Variants in SMCHD1 observed in about 807,000 individuals in gnomAD.
SMCHD1 encodes the protein structural maintenance of chromosomes flexible hinge domain-containing protein 1.
SMCHD1 carries 78 observed loss-of-function variants against 254.7 expected under a neutral mutation model. That is an observed-to-expected ratio of 0.31 (90% CI 0.26 to 0.37). The LOEUF (loss-of-function observed/expected upper bound fraction) is 0.37, where lower values mean the gene tolerates loss of function less well. Among genes scored for constraint, SMCHD1 ranks in the 10% least tolerant of loss-of-function variants. SMCHD1 has a pLI of 1.00. For missense variants in SMCHD1, 1,840 were observed against 2,408.1 expected, an observed-to-expected ratio of 0.76 and a Z score of 4.94; for synonymous variants, 766 against 794.9, an observed-to-expected ratio of 0.96 and a Z score of 0.61.
chr18:2,763,517 G>A, intron 36 of SMCHD1, 120 bp from the exon 37 acceptor site: 2 of 813,458 alleles, frequency 2.5e-6, no homozygotes, highest in Non-Finnish European at 3.6e-6. Flanking sequence ...CTTAGACTAA[G>A]AAAGATCCAG....
At chr18:2,703,942 C>A in intron 13 of SMCHD1, 56 bp downstream of exon 13, 1 of 1,314,244 alleles carries the variant, frequency 7.6e-7, no homozygotes, top group Non-Finnish European at 1.0e-6. Context: ...ATTTAAAACA[C>A]ATATGCAGAA....
At chr18:2,794,035 G>A (rs2076217238) in intron 45 of SMCHD1, among the ~76,000 whole-genome samples, 1 of 152,084 alleles carries the variant, frequency 6.6e-6, no homozygotes, top group Non-Finnish European at 1.5e-5. Context: ...CATTTCCATG[G>A]ATATTGATCA....
Position 2,726,415 on chromosome 18 carries a change from A to G in SMCHD1, c.2701-37A>G, listed in dbSNP as rs755324487. On this transcript the variant is annotated intron_variant, in intron 21 of 47. Coordinates refer to ENST00000320876, the MANE Select transcript of SMCHD1 (RefSeq NM_015295.3). ...TGATAAACTACTTAAGTATGTATTC[A>G]GGACTGGGTTTAATTTTTACTGTTT... 11 of 1,169,834 alleles carry G rather than the reference A, an allele frequency of 9.4e-6. No individual in the cohort carries two copies. In the Admixed American group the frequency reaches 2.4e-4, roughly 25 times the overall value. 72.5% of individuals were successfully genotyped at this position (1,169,834 alleles called of 1,614,324 possible).
intron 29 of SMCHD1, 87 bp from the exon 30 acceptor site, chr18:2,747,435 T>TA: frequency 5.1e-6 from 6 of 1,187,456 alleles, no homozygotes; most frequent in Non-Finnish European, 6.8e-6. Context: ...AGAGATAAAT[T>TA]AAGTGATCGT....
intron 5 of SMCHD1, among the ~76,000 whole-genome samples, chr18:2,679,353 A>G (rs12709589): frequency 0.85 from 125,952 of 148,942 alleles, 56,622 homozygotes; most frequent in East Asian, 1. Flanking sequence ...GCGGGCACCC[A>G]TAGTCCCAGC....
chr18:2,717,680 ATTGTACTGTT>A (rs1790327183), intron 17 of SMCHD1, among the ~76,000 whole-genome samples: 1 of 152,020 alleles, frequency 6.6e-6, no homozygotes, highest in Admixed American at 6.6e-5. Flanking sequence ...TGAATGCACT[ATTGTACTGTT>A]TCCAAGTGGG....
intron 17 of SMCHD1, among the ~76,000 whole-genome samples, chr18:2,711,204 C>T (rs531236398): frequency 7.2e-5 from 11 of 151,732 alleles, no homozygotes; most frequent in African/African-American, 2.7e-4. Flanking sequence ...AGGTTGGCCT[C>T]GAACGCGTAG....
chr18:2,702,108 T>C (rs2143197717), intron 12 of SMCHD1: 1 of 152,044 alleles, frequency 6.6e-6, no homozygotes, highest in Middle Eastern at 3.4e-3. Context: ...CCAGAATAAG[T>C]TAATTCTATT....
chr18:2,678,224 T>TCTTTA (rs1555627939), intron 5 of SMCHD1, among the ~76,000 whole-genome samples: 1 of 3,170 alleles, frequency 3.2e-4, no homozygotes, highest in Admixed American at 7.6e-3. Context: ...TTTCTTTCTT[T>TCTTTA]TTCTTTCTTT....
Position 2,784,552 on chromosome 18 carries a change from G to C in SMCHD1, c.5650G>C (p.Asp1884His), listed in dbSNP as rs2143815414. Reference protein sequence around the residue: ...GGLQNKAPPMDKLRGMVFGAP... With the variant: ...GGLQNKAPPMHKLRGMVFGAP... ...CCTTCAGAATAAAGCTCCTCCAATG[G>C]ATAAACTTCGGGGAATGGTATTTGG... The change falls in exon 45 of 48, where the codon GAT becomes CAT. Residue 1884 changes from aspartate to histidine, a missense_variant. By Grantham distance (81) the Asp-to-His change is moderately conservative (BLOSUM62 -1). This residue lies in a region of SMCHD1 where 114 missense variants were observed against 217.6 expected (regional missense o/e 0.52). Coordinates refer to ENST00000320876, the MANE Select transcript of SMCHD1 (RefSeq NM_015295.3). 6.2e-7 allele frequency: 1 copy of C among 1,611,600 alleles called. No individual in the cohort carries two copies. Among genetic ancestry groups the C allele is most frequent in the Non-Finnish European group, 8.5e-7 (1 of 1,179,124 alleles).
At chr18:2,679,804 A>C (rs2073884238) in intron 5 of SMCHD1, among the ~76,000 whole-genome samples, 1 of 151,966 alleles carries the variant, frequency 6.6e-6, no homozygotes, top group Non-Finnish European at 1.5e-5. Context: ...TTTTTCTCTA[A>C]GTATTCTTTC....
intron 8 of SMCHD1, among the ~76,000 whole-genome samples, chr18:2,695,152 T>C (rs1315883642): frequency 6.6e-6 from 1 of 152,244 alleles, no homozygotes; most frequent in South Asian, 2.1e-4. Flanking sequence ...AATGAATGCA[T>C]CAAGCCTATT....
intron 42 of SMCHD1, among the ~76,000 whole-genome samples, chr18:2,777,054 C>A (rs893282342): frequency 1.2e-5 from 1 of 83,868 alleles, no homozygotes; most frequent in Admixed American, 1.3e-4. Flanking sequence ...GAGGCATGCA[C>A]CACCACCTCC....
rs574339038 is a variant in SMCHD1 at position 2,783,570 on chromosome 18, G to A, written c.5548-880G>A. Reference sequence around the variant, plus strand: ...TTTCCTTTATTCTGACTTCTCTGAAGAATTTCTTTCTTTTTTTTTTTCTGA... The same window carrying A: ...TTTCCTTTATTCTGACTTCTCTGAAAAATTTCTTTCTTTTTTTTTTTCTGA... On this transcript the variant is annotated intron_variant, in intron 44 of 47. Coordinates refer to ENST00000320876, the MANE Select transcript of SMCHD1 (RefSeq NM_015295.3). Among the ~76,000 whole-genome samples, 89 of 151,876 alleles carry A rather than the reference G, an allele frequency of 5.9e-4. 2 individuals carry two copies. In the South Asian group the frequency reaches 0.011, roughly 19 times the overall value.
At chr18:2,694,750 A>G in intron 8 of SMCHD1, 57 bp downstream of exon 8, 1 of 1,436,580 alleles carries the variant, frequency 7.0e-7, no homozygotes, top group East Asian at 2.3e-5. Flanking sequence ...TAAGGCAGAA[A>G]ACATTACAGA....
intron 5 of SMCHD1, among the ~76,000 whole-genome samples, chr18:2,685,139 G>T (rs1277903593): frequency 1.2e-5 from 1 of 81,410 alleles, no homozygotes; most frequent in Non-Finnish European, 2.2e-5. Flanking sequence ...TCGTTCTTTT[G>T]CCCAGGCCGG....
chr18:2,771,968 C>T (rs1365093628), intron 40 of SMCHD1, among the ~76,000 whole-genome samples: 1 of 152,050 alleles, frequency 6.6e-6, no homozygotes. Context: ...ATATGTGTAA[C>T]TCAGTTTCAA....
chr18:2,667,578 C>T (rs996554454), intron 3 of SMCHD1, among the ~76,000 whole-genome samples: 18 of 152,194 alleles, frequency 1.2e-4, no homozygotes, highest in South Asian at 4.1e-4. Context: ...ACATGTTCAT[C>T]GTAAACTTTT....
At chr18:2,801,323 G>A (rs2076358024) in intron 47 of SMCHD1, 1 of 152,202 alleles carries the variant, frequency 6.6e-6, no homozygotes, top group Admixed American at 6.5e-5. Context: ...TTTAGTACAT[G>A]GGGAGACACA....
Sources: allele counts gnomAD v4.1 joint callset (sites outside exome capture counted in the v4.1 genomes callset), GRCh38; gene constraint gnomAD v4.1.1; regional missense constraint gnomAD v4.1.1; transcripts MANE v1.5; gene names NCBI Gene and HGNC (gene_info 2026-07-23, HGNC 2026-07-21).